Variants in DISP3 observed in about 807,000 individuals in gnomAD.
DISP3 encodes protein dispatched homolog 3.
A neutral mutation model predicts 135.3 loss-of-function variants in DISP3; 101 were observed. The observed-to-expected ratio is 0.75, with a 90% CI of 0.64 to 0.88. The LOEUF (loss-of-function observed/expected upper bound fraction) is 0.88. Ranked by LOEUF, DISP3 falls within the 40% of genes least tolerant of loss-of-function variation. The pLI is 0.00. For synonymous variants in DISP3, 856 were observed against 817.0 expected (o/e 1.05, Z -0.81); for missense variants, 1,713 against 1,878.6 (o/e 0.91, Z 1.63).
At chr1:11,493,933 AAAGCAG>A (rs1404250181) in intron 1 of DISP3, among the ~76,000 whole-genome samples, 1 of 152,216 alleles carries the variant, frequency 6.6e-6, no homozygotes, top group Non-Finnish European at 1.5e-5. Flanking sequence ...CCACCTGCTG[AAAGCAG>A]AATTGCCAGG....
At chr1:11,513,294 T>C (rs1458153898) in intron 3 of DISP3, among the ~76,000 whole-genome samples, 1 of 152,132 alleles carries the variant, frequency 6.6e-6, no homozygotes, top group Non-Finnish European at 1.5e-5. Flanking sequence ...AAAAAATAAA[T>C]AAATAAATAA....
chr1:11,535,245 T>A, intron 19 of DISP3, 121 bp downstream of exon 19: 1 of 1,078,762 alleles, frequency 9.3e-7, no homozygotes, highest in African/African-American at 1.6e-5. Context: ...CAGCGGAGGC[T>A]CATAGGACTG....
chr1:11,497,516 G>C (rs573054613), intron 1 of DISP3, among the ~76,000 whole-genome samples: 1 of 152,284 alleles, frequency 6.6e-6, no homozygotes, highest in South Asian at 2.1e-4. Flanking sequence ...AGCCCCCCGA[G>C]TAGCTGGGAC....
intron 13 of DISP3, among the ~76,000 whole-genome samples, chr1:11,527,710 C>G (rs986955403): frequency 3.9e-5 from 6 of 152,174 alleles, no homozygotes; most frequent in African/African-American, 9.7e-5. Context: ...GGCCACCTGG[C>G]TGTCCCTCTG....
At chr1:11,485,113 C>T (rs981218451) in intron 1 of DISP3, among the ~76,000 whole-genome samples, 1 of 152,094 alleles carries the variant, frequency 6.6e-6, no homozygotes, top group Non-Finnish European at 1.5e-5. Context: ...ATTCCCACCC[C>T]CCAGGACCTC....
rs1370397449 is a variant in DISP3 at position 11,524,019 on chromosome 1, G to A, written c.2440G>A (p.Val814Ile). 5.6e-6 allele frequency: 9 copies of A among 1,613,240 alleles called. No individual in the cohort carries two copies. Among genetic ancestry groups the A allele is most frequent in the Non-Finnish European group, 6.8e-6 (8 of 1,179,664 alleles). Residue 814 changes from valine (V) to isoleucine (I), a missense_variant, in exon 11 of 21, where the codon GTC becomes ATC. Coordinates refer to ENST00000294484, the MANE Select transcript of DISP3 (RefSeq NM_020780.2). ...SLEKKRRGSG[V>I]PWASRPEATL... ...GGAGAAGAAGAGGCGAGGCTCAGGG[G>A]TCCCCTGGGCTAGCCGGCCTGAGGC...
At chr1:11,528,796 A>T (rs1642498450) in intron 13 of DISP3, among the ~76,000 whole-genome samples, 1 of 152,116 alleles carries the variant, frequency 6.6e-6, no homozygotes, top group South Asian at 2.1e-4. Flanking sequence ...TCAGTGACAC[A>T]TGGAGACTGG....
Position 11,501,614 on chromosome 1 carries a change from C to G in DISP3, c.622C>G (p.Pro208Ala), listed in dbSNP as rs112077076. ...GAGCGGGCGACTTCGGCGTGAGACC[C>G]CGCCCCTGGAGGATCTGGCAGCCAA... The part of the protein sequence containing the change: ...NRSGRLRRET[P>A]PLEDLAANQS... The change falls in exon 2 of 21, where the codon CCG (proline) becomes GCG (alanine). Residue 208 changes from proline (P) to alanine (A), a missense_variant. This residue lies in a region of DISP3 where 571 missense variants were observed against 494.1 expected (regional missense o/e 1.16). Coordinates refer to ENST00000294484, the MANE Select transcript of DISP3 (RefSeq NM_020780.2). The surrounding 1 kb of genome is among the most constrained non-coding windows in gnomAD (Gnocchi z 4.9). 87 of 1,605,050 alleles carry G rather than the reference C, an allele frequency of 5.4e-5. No individual in the cohort carries two copies. In the African/African-American group the frequency reaches 8.9e-4, roughly 17 times the overall value.
At chr1:11,485,493 C>T (rs991111904) in intron 1 of DISP3, among the ~76,000 whole-genome samples, 1 of 152,078 alleles carries the variant, frequency 6.6e-6, no homozygotes, top group African/African-American at 2.4e-5. Flanking sequence ...GTGATCTTGT[C>T]TCTGGGGAAG....
At chr1:11,492,624 C>T (rs1641220210) in intron 1 of DISP3, among the ~76,000 whole-genome samples, 1 of 152,164 alleles carries the variant, frequency 6.6e-6, no homozygotes, top group Non-Finnish European at 1.5e-5. Flanking sequence ...GTCATTTGTA[C>T]CCCCTCTGAA....
At chr1:11,494,656 G>A (rs1256948366) in intron 1 of DISP3, among the ~76,000 whole-genome samples, 2 of 152,134 alleles carry the variant, frequency 1.3e-5, no homozygotes, top group Non-Finnish European at 2.9e-5. Context: ...CGACCCAAGG[G>A]TAAGAGAATC....
rs1642516442 is a variant in DISP3, at chr1:11,529,502, C to G, written c.2799-54C>G. ...AACCCTGGCCTGCTGGCCTCACCTC[C>G]CCTGACTCCTCCTAGCCTTTCCGGC... On this transcript the variant is annotated intron_variant, in intron 13 of 20. Transcript: ENST00000294484. This position sits in a 1 kb window ranked among gnomAD's most constrained non-coding sequence, Gnocchi z 4.7. 6.6e-7 allele frequency: 1 copy of G among 1,521,136 alleles called. No individual in the cohort carries two copies. Among genetic ancestry groups the G allele is most frequent in the Non-Finnish European group, 8.8e-7 (1 of 1,131,782 alleles). The allele number at this position is 1,521,136 out of a possible 1,614,324, so 94.2% of individuals were successfully genotyped here. A position where few individuals can be genotyped will look rare whatever the true frequency, so the allele number is the denominator to read the frequency against.
chr1:11,493,374 G>A (rs551830603), intron 1 of DISP3, among the ~76,000 whole-genome samples: 9 of 152,284 alleles, frequency 5.9e-5, no homozygotes, highest in South Asian at 4.2e-4. Flanking sequence ...CAACTGATTC[G>A]TTGAGGCCCA....
intron 3 of DISP3, among the ~76,000 whole-genome samples, chr1:11,512,309 T>C (rs552784957): frequency 1.8e-4 from 27 of 152,262 alleles, no homozygotes; most frequent in Non-Finnish European, 3.2e-4. Flanking sequence ...ACTTTTATGC[T>C]CTACTTCCCT....
At chr1:11,525,362 G>C (rs917682418) in intron 12 of DISP3, 50 bp downstream of exon 12, 16 of 1,581,186 alleles carry the variant, frequency 1.0e-5, no homozygotes, top group Admixed American at 1.8e-5. Flanking sequence ...GGGTGGTGGG[G>C]GGCTCTCAGG....
Position 11,516,220 on chromosome 1 carries a change from G to T in DISP3, c.1749+59G>T. 1 of 1,567,328 alleles carries T rather than the reference G, an allele frequency of 6.4e-7. No homozygotes were observed. The highest frequency in any genetic ancestry group is 8.7e-7 in the Non-Finnish European group (1 of 1,149,804). Reference sequence around the variant, plus strand: ...CCCACACGCTCATGCATACCTAGCCGCTGGTCTCTGCCCTTCCCACCACCG... The same window carrying T: ...CCCACACGCTCATGCATACCTAGCCTCTGGTCTCTGCCCTTCCCACCACCG... On this transcript the variant is annotated intron_variant, in intron 6 of 20. Coordinates refer to ENST00000294484, the MANE Select transcript of DISP3 (RefSeq NM_020780.2). This position sits in a 1 kb window ranked among gnomAD's most constrained non-coding sequence, Gnocchi z 5.1.
intron 3 of DISP3, among the ~76,000 whole-genome samples, chr1:11,505,633 A>G (rs1047757179): frequency 3.3e-5 from 5 of 152,236 alleles, no homozygotes; most frequent in Admixed American, 2.0e-4. Flanking sequence ...GGCAACATGT[A>G]CCTTGACTTA....
chr1:11,534,179 G>C (rs1642645475), intron 17 of DISP3, among the ~76,000 whole-genome samples: 1 of 152,234 alleles, frequency 6.6e-6, no homozygotes. Context: ...GACTGTGGTT[G>C]CATGTGGATC....
chr1:11,525,075 T>C, intron 11 of DISP3, 101 bp from the exon 12 acceptor site: 5 of 1,436,570 alleles, frequency 3.5e-6, no homozygotes, highest in Non-Finnish European at 3.9e-6. Flanking sequence ...AGGCCAGGAC[T>C]GAGCTCGTTA....
Sources: allele counts gnomAD v4.1 joint callset (sites outside exome capture counted in the v4.1 genomes callset), GRCh38; gene constraint gnomAD v4.1.1; regional missense constraint gnomAD v4.1.1; non-coding constraint Gnocchi (gnomAD v3.1); transcripts MANE v1.5; gene names NCBI Gene and HGNC (gene_info 2026-07-23, HGNC 2026-07-21).